BEAN1: variants seen among roughly 807,000 people sequenced by gnomAD.
The protein encoded by BEAN1 is brain expressed associated with NEDD4 1.
Under a neutral mutation model 17.7 loss-of-function variants are expected in BEAN1, and 17 were observed. The ratio of observed to expected loss-of-function variants is 0.96; its 90% CI spans 0.66 to 1.44. The LOEUF (loss-of-function observed/expected upper bound fraction) is 1.44, where lower values mean the gene tolerates loss of function less well. Ranked by LOEUF, BEAN1 falls within the 40% of genes most tolerant of loss-of-function variation. The pLI is 0.00. For missense variants in BEAN1, 359 were observed against 374.1 expected, an observed-to-expected ratio of 0.96 and a Z score of 0.33; for synonymous variants, 142 against 151.8, an observed-to-expected ratio of 0.94 and a Z score of 0.47.
chr16:66,477,223 A>G (rs1479346906), intron 3 of BEAN1, among the ~76,000 whole-genome samples: 1 of 152,148 alleles, frequency 6.6e-6, no homozygotes, highest in Non-Finnish European at 1.5e-5. Context: ...CAGACTGGTC[A>G]GGCCTGCCTT....
At chr16:66,455,887 A>G (rs988537588) in intron 2 of BEAN1, among the ~76,000 whole-genome samples, 3 of 152,160 alleles carry the variant, frequency 2.0e-5, no homozygotes, top group Non-Finnish European at 4.4e-5. Context: ...GGATTTCACC[A>G]TATTGCCCAG....
chr16:66,451,573 G>C (rs1036068449), intron 2 of BEAN1, among the ~76,000 whole-genome samples: 2 of 152,176 alleles, frequency 1.3e-5, no homozygotes, highest in African/African-American at 4.8e-5. Context: ...TTCACATTTA[G>C]TTCTGAGTCT....
At chr16:66,441,353 C>T (rs186609540) in intron 2 of BEAN1, among the ~76,000 whole-genome samples, 163 of 152,290 alleles carry the variant, frequency 1.1e-3, no homozygotes, top group African/African-American at 3.7e-3. Flanking sequence ...AGGAAGGAAA[C>T]CCGGAAATCC....
chr16:66,490,464 A>AAATAAAATAAAAT lies in BEAN1; in HGVS notation c.148-2496_148-2495insTAAAATAAAATAA, dbSNP rs1289526958. Among the ~76,000 whole-genome samples the AAATAAAATAAAAT allele has an allele frequency of 8.1e-5, 10 of 123,210 alleles. 1 individual carries two copies. Among genetic ancestry groups the AAATAAAATAAAAT allele is most frequent in the South Asian group, 4.7e-4 (2 of 4,272 alleles). 80.8% of individuals were successfully genotyped at this position (123,210 alleles called of 152,430 possible). ...TAAAATAAAATAAAATAATAAAATA[A>AAATAAAATAAAAT]AAAGAAACCTCTAAATTGATTGAGA... On this transcript the variant is annotated intron_variant, in intron 4 of 4. Coordinates refer to the BEAN1 transcript ENST00000561796.
chr16:66,485,452 C>G (rs2142481218), downstream of BEAN1: 1 of 308,272 alleles, frequency 3.2e-6, no homozygotes, highest in African/African-American at 2.2e-5. Flanking sequence ...AGACAGTAAG[C>G]TTCATCGTCT....
At position 66,469,769 on chromosome 16, in the gene BEAN1, G is replaced by T; in HGVS notation, c.193G>T (p.Ala65Ser). The T allele has an allele frequency of 6.5e-7, 1 of 1,536,050 alleles. No homozygotes were observed. Among genetic ancestry groups the T allele is most frequent in the South Asian group, 1.2e-5 (1 of 84,056 alleles). Residue 65 changes from alanine to serine, a missense_variant, in exon 3 of 5, where the codon GCC becomes TCC. By Grantham distance (99) the Ala-to-Ser change is moderately conservative (BLOSUM62 1). Transcript: ENST00000536005. ...GGGCAGCATCCGCAGGGACAGGCAG[G>T]CCCGGCTTCAGCGGCACCGCCACCG... The part of the protein sequence containing the change: ...IVGSIRRDRQ[A>S]RLQRHRHRHH...
chr16:66,485,701 A>G (rs1363208372), downstream of BEAN1: 1 of 161,512 alleles, frequency 6.2e-6, no homozygotes, highest in Admixed American at 5.7e-5. Context: ...CACCTCAGCC[A>G]TGCCACCACT....
At chr16:66,484,318 C>T (rs968359944), downstream of BEAN1, 19 of 335,796 alleles carry the variant, frequency 5.7e-5, no homozygotes, top group Non-Finnish European at 8.8e-5. This position sits in a 1 kb window ranked among gnomAD's most constrained non-coding sequence, Gnocchi z 4.2. Flanking sequence ...TGCCCCCAAC[C>T]GAAACCACCC....
At chr16:66,450,041 C>G (rs56004909) in intron 2 of BEAN1, among the ~76,000 whole-genome samples, 19,222 of 152,194 alleles carry the variant, frequency 0.13, 1,389 homozygotes, top group South Asian at 0.26. Context: ...AATAAAAACA[C>G]TGAACTAAAT....
chr16:66,432,140 T>G (rs2142370030), intron 1 of BEAN1, among the ~76,000 whole-genome samples: 1 of 152,280 alleles, frequency 6.6e-6, no homozygotes, highest in South Asian at 2.1e-4. Context: ...AAGACCAAGT[T>G]ACCTGTTTGC....
chr16:66,494,824 C>T (rs1235944933), downstream of BEAN1, among the ~76,000 whole-genome samples: 1 of 152,192 alleles, frequency 6.6e-6, no homozygotes, highest in African/African-American at 2.4e-5. Context: ...CACATGTGCA[C>T]ACAAATAGGT....
At chr16:66,490,430 A>C (rs1422286646) in intron 4 of BEAN1, among the ~76,000 whole-genome samples, 3 of 140,544 alleles carry the variant, frequency 2.1e-5, no homozygotes, top group Admixed American at 7.0e-5. Context: ...AAAATAAAAT[A>C]AAATAAAATA....
downstream of BEAN1, chr16:66,483,841 CCTGCTGGACAGGCCAAGGCTGG>C (rs1333061117): frequency 1.3e-5 from 2 of 152,400 alleles, no homozygotes; most frequent in African/African-American, 4.8e-5. Context: ...AGCCCACGTC[CCTGCTGGACAGGCCAAGGCTGG>C]CTCTGCTGCG....
intron 4 of BEAN1, among the ~76,000 whole-genome samples, chr16:66,480,147 C>T (rs190065130): frequency 6.6e-6 from 1 of 152,246 alleles, no homozygotes; most frequent in East Asian, 1.9e-4. Context: ...TGCTCTGCAT[C>T]TGTGGGTTCA....
intron 3 of BEAN1, among the ~76,000 whole-genome samples, chr16:66,470,523 G>A (rs1963444791): frequency 6.6e-6 from 1 of 152,112 alleles, no homozygotes; most frequent in East Asian, 1.9e-4. Flanking sequence ...GGTGGGCAGT[G>A]GGATGGGTTG....
downstream of BEAN1, chr16:66,483,906 C>T (rs1457721462): frequency 6.5e-6 from 1 of 153,460 alleles, no homozygotes; most frequent in Non-Finnish European, 1.4e-5. Context: ...CACACTGCCA[C>T]CTGCCGGCTC....
downstream of BEAN1, among the ~76,000 whole-genome samples, chr16:66,486,991 C>G (rs946246943): frequency 4.6e-5 from 7 of 152,224 alleles, no homozygotes; most frequent in African/African-American, 7.2e-5. Context: ...GAATCTGTGC[C>G]AGCTCTTTCT....
At chr16:66,437,554 G>T in intron 1 of BEAN1, 41 bp from the exon 2 acceptor site, 1 of 1,213,058 alleles carries the variant, frequency 8.2e-7, no homozygotes, top group Non-Finnish European at 1.1e-6. Flanking sequence ...CTGTGGGTGC[G>T]CCATGGGCCC....
At chr16:66,461,425 C>G (rs1437150743) in intron 2 of BEAN1, among the ~76,000 whole-genome samples, 1 of 152,168 alleles carries the variant, frequency 6.6e-6, no homozygotes, top group Non-Finnish European at 1.5e-5. Flanking sequence ...TCCCGCCCAT[C>G]TGGTAATGAG....
Sources: allele counts gnomAD v4.1 joint callset (sites outside exome capture counted in the v4.1 genomes callset), GRCh38; gene constraint gnomAD v4.1.1; non-coding constraint Gnocchi (gnomAD v3.1); transcripts MANE v1.5; gene names NCBI Gene and HGNC (gene_info 2026-07-23, HGNC 2026-07-21).